The following KCNIP4 variants were observed in gnomAD, a reference collection of about 807,000 sequenced individuals.
KCNIP4 encodes potassium voltage-gated channel interacting protein 4.
Under a neutral mutation model 34.0 loss-of-function variants are expected in KCNIP4, and 12 were observed. That is an observed-to-expected ratio of 0.35 (90% CI 0.23 to 0.57). KCNIP4 has a LOEUF of 0.57. Among genes scored for constraint, KCNIP4 ranks in the 20% least tolerant of loss-of-function variants. KCNIP4 has a pLI of 0.83. For missense variants in KCNIP4, 238 were observed against 311.7 expected (o/e 0.76, Z 1.78); for synonymous variants, 124 against 102.2 (o/e 1.21, Z -1.29).
chr4:21,009,581 TA>T (rs1385309312), intron 1 of KCNIP4, among the ~76,000 whole-genome samples: 1 of 152,240 alleles, frequency 6.6e-6, no homozygotes, highest in African/African-American at 2.4e-5. Flanking sequence ...TGGTTGTTCC[TA>T]AACTCCTCTG....
At chr4:20,832,155 T>C (rs1245895786) in intron 3 of KCNIP4, among the ~76,000 whole-genome samples, 1 of 152,210 alleles carries the variant, frequency 6.6e-6, no homozygotes, top group Non-Finnish European at 1.5e-5. Context: ...TACTTTCTTA[T>C]TACAGGCACT....
chr4:21,779,350 G>A lies in KCNIP4; in HGVS notation c.61+169221C>T, dbSNP rs184665020. On this transcript the variant is annotated intron_variant, in intron 1 of 8. Transcript: ENST00000382152. ...CACAAATTTTCCTACTATAGTAACT[G>A]TAGCCTGAAGTTAAGAATAATAGCA... Among the ~76,000 whole-genome samples, 42 of 142,770 alleles carry A rather than the reference G, an allele frequency of 2.9e-4. No homozygotes were observed. In the East Asian group the frequency reaches 7.3e-3, roughly 25 times the overall value. The allele number at this position is 142,770 out of a possible 152,430, so 93.7% of individuals were successfully genotyped here.
chr4:21,771,934 C>A (rs111571521), intron 1 of KCNIP4, among the ~76,000 whole-genome samples: 1 of 152,082 alleles, frequency 6.6e-6, no homozygotes, highest in Admixed American at 6.6e-5. Context: ...TGCCTAATTG[C>A]CATGGCCAGA....
rs979493152 is a variant in KCNIP4 at position 21,556,587 on chromosome 4, C to A, written c.61+391984G>T. Among the ~76,000 whole-genome samples, 3 of 151,978 alleles carry A rather than the reference C, an allele frequency of 2.0e-5. No homozygotes were observed. The East Asian group carries it at 5.8e-4, about 29-fold the overall frequency. On this transcript the variant is annotated intron_variant, in intron 1 of 8. Transcript: ENST00000382152. ...GTTACCTTGAAATAACTCTATAGGA[C>A]AATTTATTGCTAAGAATCTTCTATG...
chr4:21,835,600 T>TGTTG (rs149217800), intron 1 of KCNIP4, among the ~76,000 whole-genome samples: 2 of 151,836 alleles, frequency 1.3e-5, no homozygotes, highest in African/African-American at 2.4e-5. Context: ...TTAGTTTTTT[T>TGTTG]TTGTTGTTGT....
At chr4:21,625,161 T>C (rs932725983) in intron 1 of KCNIP4, among the ~76,000 whole-genome samples, 1 of 152,050 alleles carries the variant, frequency 6.6e-6, no homozygotes, top group Non-Finnish European at 1.5e-5. Flanking sequence ...ATGATGATGA[T>C]GATGATAAAA....
chr4:20,895,196 C>A (rs1726372125), intron 1 of KCNIP4, among the ~76,000 whole-genome samples: 1 of 152,156 alleles, frequency 6.6e-6, no homozygotes, highest in Admixed American at 6.5e-5. Context: ...ATTTGTTTCT[C>A]TTTGTGGTAT....
chr4:21,760,839 C>T (rs1000869885), intron 1 of KCNIP4, among the ~76,000 whole-genome samples: 6 of 152,130 alleles, frequency 3.9e-5, no homozygotes, highest in East Asian at 1.9e-4. Flanking sequence ...ACTCCCAATG[C>T]ATTCTATAGC....
chr4:21,881,799 A>G (rs1381410049), intron 1 of KCNIP4, among the ~76,000 whole-genome samples: 1 of 152,170 alleles, frequency 6.6e-6, no homozygotes, highest in Non-Finnish European at 1.5e-5. Flanking sequence ...ACAACTTTAA[A>G]ATCTTTGAGG....
At chr4:20,940,510 G>A (rs1731532102) in intron 1 of KCNIP4, among the ~76,000 whole-genome samples, 1 of 152,066 alleles carries the variant, frequency 6.6e-6, no homozygotes, top group South Asian at 2.1e-4. Flanking sequence ...TGTTTTTCAT[G>A]TTCAGAGATT....
chr4:21,349,611 T>C (rs1204601374), intron 1 of KCNIP4, among the ~76,000 whole-genome samples: 1 of 152,014 alleles, frequency 6.6e-6, no homozygotes, highest in Non-Finnish European at 1.5e-5. Context: ...CCCTTACAAA[T>C]AATTGGGATT....
At chr4:21,458,355 G>C (rs1328709775) in intron 1 of KCNIP4, among the ~76,000 whole-genome samples, 3 of 151,696 alleles carry the variant, frequency 2.0e-5, no homozygotes, top group Non-Finnish European at 4.4e-5. Flanking sequence ...AGTATTCCAT[G>C]GTGTATATGT....
chr4:20,996,086 C>T (rs1027215975), intron 1 of KCNIP4, among the ~76,000 whole-genome samples: 5 of 152,262 alleles, frequency 3.3e-5, no homozygotes, highest in African/African-American at 1.2e-4. Context: ...ACACTTATGT[C>T]TGCTATATGC....
chr4:21,037,967 T>A (rs1014586755), intron 1 of KCNIP4, among the ~76,000 whole-genome samples: 1 of 536 alleles, frequency 1.9e-3, no homozygotes. Context: ...TGCTGGGGGT[T>A]TTTTTTTGTT....
At chr4:21,485,636 A>C (rs907321412) in intron 1 of KCNIP4, among the ~76,000 whole-genome samples, 1 of 152,184 alleles carries the variant, frequency 6.6e-6, no homozygotes, top group Non-Finnish European at 1.5e-5. Context: ...AAGCCACATC[A>C]TATCCTCAAT....
chr4:20,967,393 T>C (rs553430251), intron 1 of KCNIP4, among the ~76,000 whole-genome samples: 2 of 152,282 alleles, frequency 1.3e-5, no homozygotes, highest in South Asian at 4.1e-4. Flanking sequence ...CCCATCAAGC[T>C]ACCAATGACT....
intron 1 of KCNIP4, among the ~76,000 whole-genome samples, chr4:21,253,171 T>C (rs997887999): frequency 6.6e-6 from 1 of 152,162 alleles, no homozygotes; most frequent in Non-Finnish European, 1.5e-5. Flanking sequence ...TCTACGGCAA[T>C]TTCTTTTCTT....
At chr4:21,633,150 C>A (rs1286418690) in intron 1 of KCNIP4, among the ~76,000 whole-genome samples, 1 of 152,120 alleles carries the variant, frequency 6.6e-6, no homozygotes, top group Admixed American at 6.5e-5. Flanking sequence ...GTTTATTGCA[C>A]CCATTTACAT....
intron 4 of KCNIP4, among the ~76,000 whole-genome samples, chr4:20,757,267 G>A (rs1754555680): frequency 1.3e-5 from 2 of 152,076 alleles, no homozygotes; most frequent in Non-Finnish European, 2.9e-5. Flanking sequence ...TTTCTCCTAT[G>A]CATATACTTA....
Sources: allele counts gnomAD v4.1 joint callset (sites outside exome capture counted in the v4.1 genomes callset), GRCh38; gene constraint gnomAD v4.1.1; transcripts MANE v1.5; gene names NCBI Gene and HGNC (gene_info 2026-07-23, HGNC 2026-07-21).